CDC42BPA: variants seen among roughly 807,000 people sequenced by gnomAD.
CDC42BPA encodes serine/threonine-protein kinase MRCK alpha.
In CDC42BPA, 80 loss-of-function variants were observed where a neutral mutation model predicts 223.5. That is an observed-to-expected ratio of 0.36 (90% CI 0.30 to 0.43). CDC42BPA has a LOEUF of 0.43. Among genes scored for constraint, CDC42BPA ranks in the 20% least tolerant of loss-of-function variants. The pLI, the probability that CDC42BPA is intolerant of heterozygous loss-of-function variation, is 1.00. For synonymous variants in CDC42BPA, 694 were observed against 718.6 expected (o/e 0.97, Z 0.55); for missense variants, 1,743 against 2,099.9 (o/e 0.83, Z 3.32).
chr1:227,087,449 T>G (rs973150001), intron 16 of CDC42BPA, among the ~76,000 whole-genome samples: 3 of 152,242 alleles, frequency 2.0e-5, no homozygotes, highest in African/African-American at 7.2e-5. Context: ...TAGCAAGTAT[T>G]AAAATTACAT....
At position 227,026,276 on chromosome 1, in the gene CDC42BPA, T is replaced by C. The variant is rs1253828088; in HGVS notation, c.4433-124A>G. 8 of 564,634 alleles carry C rather than the reference T, an allele frequency of 1.4e-5. No individual in the cohort carries two copies. The East Asian group carries it at 2.5e-4, about 17-fold the overall frequency. The allele number at this position is 564,634 out of a possible 1,614,324, so 35.0% of individuals were successfully genotyped here. On this transcript the variant is annotated intron_variant, in intron 30 of 36. Coordinates refer to ENST00000366766, the MANE Select transcript of CDC42BPA (RefSeq NM_001394014.1). Reference sequence around the variant, plus strand: ...CCACCCAAATCCTATGGGGCTATCATATAGTAGCCAAATCAAAACATTTTT... The same window carrying C: ...CCACCCAAATCCTATGGGGCTATCACATAGTAGCCAAATCAAAACATTTTT...
intron 34 of CDC42BPA, among the ~76,000 whole-genome samples, chr1:227,006,755 T>C (rs1479183511): frequency 1.3e-5 from 2 of 152,068 alleles, no homozygotes; most frequent in Non-Finnish European, 2.9e-5. Flanking sequence ...GCTAATATGG[T>C]GAAACCCCGT....
intron 35 of CDC42BPA, among the ~76,000 whole-genome samples, chr1:226,998,284 G>GA (rs1346229181): frequency 4.2e-4 from 64 of 152,208 alleles, no homozygotes; most frequent in African/African-American, 1.5e-3. Flanking sequence ...CACAGAATTA[G>GA]AAAAAACTAC....
chr1:227,143,719 A>C (rs950108223), intron 8 of CDC42BPA, among the ~76,000 whole-genome samples: 1 of 152,226 alleles, frequency 6.6e-6, no homozygotes, highest in Non-Finnish European at 1.5e-5. Context: ...TCAACAACAT[A>C]TGTTATATAA....
In CDC42BPA at chr1:227,080,037, G is replaced by A. The variant is rs191336026; in HGVS notation, c.2480+856C>T. Among the ~76,000 whole-genome samples the A allele has an allele frequency of 6.0e-3, 909 of 152,022 alleles. 10 individuals are homozygous for A. The highest frequency in any genetic ancestry group is 0.021 in the African/African-American group (856 of 41,504). On this transcript the variant is annotated intron_variant, in intron 17 of 36. Transcript: ENST00000366766. The stretch of plus-strand genomic sequence containing the variant: ...GTGTATGAAACAACATTTTGACTGT[G>A]ACCCATCACAAAGTCATGTCTAAAA...
At chr1:227,112,937 A>G in intron 12 of CDC42BPA, 24 bp from the exon 13 acceptor site, 5 of 1,607,780 alleles carry the variant, frequency 3.1e-6, no homozygotes, top group Non-Finnish European at 4.2e-6. Flanking sequence ...AAAAGAATAT[A>G]AGTTACCAAT....
intron 27 of CDC42BPA, among the ~76,000 whole-genome samples, chr1:227,031,792 A>G (rs1463452703): frequency 1.4e-5 from 2 of 147,704 alleles, no homozygotes; most frequent in East Asian, 1.9e-4. Context: ...CATTAAATAT[A>G]TAACAACAAC....
chr1:227,035,638 A>T, intron 24 of CDC42BPA, 31 bp from the exon 25 acceptor site: 2 of 1,544,358 alleles, frequency 1.3e-6, no homozygotes, highest in Non-Finnish European at 1.7e-6. Flanking sequence ...ACGTTTGATA[A>T]AAATTCATTT....
intron 5 of CDC42BPA, among the ~76,000 whole-genome samples, chr1:227,183,677 T>G (rs1421945140): frequency 1.3e-5 from 2 of 152,216 alleles, no homozygotes. Flanking sequence ...GATTTTTCTG[T>G]GAATATAAAT....
chr1:227,230,820 C>T (rs2670468), intron 2 of CDC42BPA, among the ~76,000 whole-genome samples: 58,650 of 88,728 alleles, frequency 0.66, 17,408 homozygotes, highest in East Asian at 0.72. Context: ...TTCTTTCTTT[C>T]TTTTTTTTTT....
chr1:227,256,623 A>T (rs530917579), intron 1 of CDC42BPA, among the ~76,000 whole-genome samples: 92 of 152,304 alleles, frequency 6.0e-4, no homozygotes, highest in Middle Eastern at 3.4e-3. Context: ...TGAATTTTTT[A>T]AATTAATTAA....
At position 227,194,470 on chromosome 1, in the gene CDC42BPA, T is replaced by C. The variant is rs114747901; in HGVS notation, c.451-536A>G. 9.2e-3 allele frequency among the ~76,000 whole-genome samples: 1,400 copies of C among 152,336 alleles called. 9 individuals are homozygous for C. Among genetic ancestry groups the C allele is most frequent in the Non-Finnish European group, 0.016 (1,069 of 68,018 alleles). On this transcript the variant is annotated intron_variant, in intron 4 of 36. Transcript: ENST00000366766. ...GTAGAATATAGTAATTATCACCATA[T>C]GTGTCTCTTCCCATTTCTAATACTG... is the stretch of plus-strand genomic sequence containing the variant.
In CDC42BPA at chr1:227,285,036, A is replaced by G. The variant is rs16847579; in HGVS notation, c.179-30881T>C. Among the ~76,000 whole-genome samples, 335 of 152,074 alleles carry G rather than the reference A, an allele frequency of 2.2e-3. 10 individuals are homozygous for G. In the East Asian group the frequency reaches 0.046, roughly 21 times the overall value. ...GGTACATACCTCTGGATAGAGAAACATGGTCCAACGTTCTCCAGTCTACCC... is the reference window on the plus strand; with the variant it reads ...GGTACATACCTCTGGATAGAGAAACGTGGTCCAACGTTCTCCAGTCTACCC... On this transcript the variant is annotated intron_variant, in intron 1 of 36. Coordinates refer to ENST00000366766, the MANE Select transcript of CDC42BPA (RefSeq NM_001394014.1).
intron 7 of CDC42BPA, among the ~76,000 whole-genome samples, chr1:227,146,237 C>T (rs948031126): frequency 6.6e-6 from 1 of 152,112 alleles, no homozygotes; most frequent in Non-Finnish European, 1.5e-5. Flanking sequence ...TAAAGACACA[C>T]AGAATTCAAG....
chr1:227,219,010 T>C (rs750923520), intron 2 of CDC42BPA, among the ~76,000 whole-genome samples: 2 of 152,100 alleles, frequency 1.3e-5, no homozygotes, highest in Non-Finnish European at 2.9e-5. Flanking sequence ...GAACAAACAC[T>C]GGCTATAAAA....
chr1:227,122,976 T>C (rs1688922829), intron 11 of CDC42BPA, among the ~76,000 whole-genome samples: 1 of 152,198 alleles, frequency 6.6e-6, no homozygotes, highest in Non-Finnish European at 1.5e-5. Context: ...TTAGATAAAG[T>C]TGTTAAAAAC....
At chr1:227,066,367 T>C (rs60979561) in intron 21 of CDC42BPA, among the ~76,000 whole-genome samples, 23,377 of 149,356 alleles carry the variant, frequency 0.16, 2,185 homozygotes, top group African/African-American at 0.25. Context: ...TCCAGCCTGG[T>C]GACAGGGTGA....
In CDC42BPA at chr1:227,145,675, T is replaced by G. The variant is rs1324733281; in HGVS notation, c.957A>C (p.Arg319=). ...DVSENAKDLI[R]RLICSREHRL... ...GATGTTCTCTGCTACAAATGAGCCT[T>G]CGAATAAGATCCTTAGCATTTTCAG... Residue 319 remains arginine (R), a synonymous_variant, in exon 8 of 37, where the codon CGA becomes CGC. Transcript: ENST00000366766. The G allele has an allele frequency of 1.2e-6, 2 of 1,613,640 alleles. No homozygotes were observed. The highest frequency in any genetic ancestry group is 2.7e-5 in the African/African-American group (2 of 74,882).
chr1:227,224,536 C>T (rs1406934581), intron 2 of CDC42BPA, among the ~76,000 whole-genome samples: 2 of 152,090 alleles, frequency 1.3e-5, no homozygotes, highest in African/African-American at 4.8e-5. Context: ...CAGCTGTGAC[C>T]TTTCAAGCCT....
Sources: allele counts gnomAD v4.1 joint callset (sites outside exome capture counted in the v4.1 genomes callset), GRCh38; gene constraint gnomAD v4.1.1; transcripts MANE v1.5; gene names NCBI Gene and HGNC (gene_info 2026-07-23, HGNC 2026-07-21).